ATP9A: variants seen among roughly 807,000 people sequenced by gnomAD.
The protein encoded by ATP9A is probable phospholipid-transporting ATPase IIA.
In ATP9A, 52 loss-of-function variants were observed where a neutral mutation model predicts 144.1. The observed-to-expected ratio is 0.36, with a 90% confidence interval of 0.29 to 0.45. The LOEUF (loss-of-function observed/expected upper bound fraction) is 0.45. ATP9A is among the 20% of genes least tolerant of loss of function. The pLI is 1.00. For synonymous variants in ATP9A, 582 were observed against 557.4 expected, an observed-to-expected ratio of 1.04 and a Z score of -0.62; for missense variants, 947 against 1,392.7, an observed-to-expected ratio of 0.68 and a Z score of 5.09.
At chr20:51,751,354 G>C (rs1319117152) in intron 1 of ATP9A, among the ~76,000 whole-genome samples, 2 of 149,754 alleles carry the variant, frequency 1.3e-5, no homozygotes, top group Non-Finnish European at 3.0e-5. Flanking sequence ...CAAACCCCTG[G>C]ACTCAAGGGA....
At chr20:51,664,193 A>T (rs1266345459) in intron 13 of ATP9A, among the ~76,000 whole-genome samples, 7 of 152,092 alleles carry the variant, frequency 4.6e-5, no homozygotes, top group African/African-American at 1.4e-4. Flanking sequence ...AAAGTTTTCC[A>T]AGTACCTTCC....
intron 18 of ATP9A, 83 bp downstream of exon 18, chr20:51,625,109 T>A: frequency 7.1e-7 from 1 of 1,403,026 alleles, no homozygotes; most frequent in Non-Finnish European, 9.7e-7. Context: ...CCTCCCACCC[T>A]TTCCCCCTGT....
intron 4 of ATP9A, among the ~76,000 whole-genome samples, chr20:51,699,825 T>C (rs1409542817): frequency 6.6e-6 from 1 of 151,964 alleles, no homozygotes; most frequent in East Asian, 1.9e-4. Context: ...GTAGTTTTAG[T>C]AGAGACGGGG....
chr20:51,739,935 A>G (rs2077778042), intron 1 of ATP9A, among the ~76,000 whole-genome samples: 1 of 152,216 alleles, frequency 6.6e-6, no homozygotes, highest in African/African-American at 2.4e-5. Flanking sequence ...AGCAGAGACA[A>G]GAAGTTCCCG....
chr20:51,651,461 T>C (rs2077366401), intron 14 of ATP9A, among the ~76,000 whole-genome samples: 1 of 147,988 alleles, frequency 6.8e-6, no homozygotes, highest in Non-Finnish European at 1.5e-5. Context: ...AAAATAAATA[T>C]ATATGTATAT....
intron 4 of ATP9A, among the ~76,000 whole-genome samples, chr20:51,711,999 A>G (rs1407359575): frequency 4.2e-5 from 6 of 143,316 alleles, no homozygotes; most frequent in African/African-American, 1.6e-4. Context: ...GGGATTACAG[A>G]TGAATGCAAC....
chr20:51,672,321 A>G (rs1219134120), intron 11 of ATP9A, among the ~76,000 whole-genome samples: 2 of 152,218 alleles, frequency 1.3e-5, no homozygotes, highest in Admixed American at 1.3e-4. Context: ...CAAAGTAAAT[A>G]GAAGTCTTCA....
At chr20:51,733,908 A>C (rs2077752690) in intron 1 of ATP9A, among the ~76,000 whole-genome samples, 1 of 151,902 alleles carries the variant, frequency 6.6e-6, no homozygotes, top group African/African-American at 2.4e-5. Flanking sequence ...ACCTGGCCTC[A>C]AGCCATCCTC....
intron 1 of ATP9A, among the ~76,000 whole-genome samples, chr20:51,752,855 C>A (rs2077838383): frequency 6.6e-6 from 1 of 152,196 alleles, no homozygotes; most frequent in African/African-American, 2.4e-5. Flanking sequence ...ATAATCCCAG[C>A]AGTTTGGGAG....
At chr20:51,754,674 G>A (rs898350226) in intron 1 of ATP9A, among the ~76,000 whole-genome samples, 4 of 151,294 alleles carry the variant, frequency 2.6e-5, no homozygotes, top group African/African-American at 7.3e-5. Flanking sequence ...AAAATCACTG[G>A]GCATGGTGGT....
chr20:51,691,821 T>C (rs946944422), intron 7 of ATP9A, among the ~76,000 whole-genome samples: 1 of 152,184 alleles, frequency 6.6e-6, no homozygotes, highest in Non-Finnish European at 1.5e-5. Context: ...TTATTCACAA[T>C]AGCCAGGAAG....
chr20:51,733,510 A>C (rs6063703), intron 1 of ATP9A, among the ~76,000 whole-genome samples: 35,558 of 151,812 alleles, frequency 0.23, 4,481 homozygotes, highest in Non-Finnish European at 0.26. Flanking sequence ...AGTAGCTGGG[A>C]TTACAGGCGT....
At position 51,768,381 on chromosome 20, in the gene ATP9A, C is replaced by A. The variant is rs756832017; in HGVS notation, c.-12G>T. 5.1e-6 allele frequency: 6 copies of A among 1,172,648 alleles called. No individual in the cohort carries two copies. The African/African-American group carries it at 9.7e-5, about 19-fold the overall frequency. The allele number at this position is 1,172,648 out of a possible 1,614,324, so 72.6% of individuals were successfully genotyped here. A position where few individuals can be genotyped will look rare whatever the true frequency, so the allele number is the denominator to read the frequency against. ...ATGTTGTCCGTCATGTCGGCGGCGC[C>A]GCCCGCCTTGGCCGCCGCGCCCCCC... On this transcript the variant is annotated 5_prime_UTR_variant, in exon 1 of 28. Coordinates refer to ENST00000338821, the MANE Select transcript of ATP9A (RefSeq NM_006045.3).
At chr20:51,765,642 CAA>C (rs1164927794) in intron 1 of ATP9A, among the ~76,000 whole-genome samples, 27 of 110,542 alleles carry the variant, frequency 2.4e-4, no homozygotes, top group East Asian at 2.4e-4. Context: ...AGCTACATCT[CAA>C]AAAAAAAAAA....
intron 3 of ATP9A, among the ~76,000 whole-genome samples, chr20:51,722,048 C>T (rs990449830): frequency 6.6e-5 from 10 of 151,972 alleles, no homozygotes; most frequent in Non-Finnish European, 1.2e-4. Flanking sequence ...TACTTACAGC[C>T]GACTGCTCTT....
intron 7 of ATP9A, among the ~76,000 whole-genome samples, chr20:51,692,663 G>A (rs959400905): frequency 5.9e-5 from 9 of 152,124 alleles, no homozygotes; most frequent in African/African-American, 1.7e-4. Flanking sequence ...TTAGCCGGGC[G>A]TGGTGGCGGG....
chr20:51,608,095 A>T (rs949577293), intron 25 of ATP9A, among the ~76,000 whole-genome samples: 1 of 152,108 alleles, frequency 6.6e-6, no homozygotes, highest in Non-Finnish European at 1.5e-5. Context: ...CATGGGAATA[A>T]ACCTTCCCTT....
At chr20:51,636,735 C>A (rs142134315) in intron 15 of ATP9A, among the ~76,000 whole-genome samples, 1 of 149,526 alleles carries the variant, frequency 6.7e-6, no homozygotes, top group Non-Finnish European at 1.5e-5. Context: ...AAACATCAGT[C>A]CTAATGGTAC....
At chr20:51,737,879 T>C (rs1466687780) in intron 1 of ATP9A, among the ~76,000 whole-genome samples, 1 of 152,046 alleles carries the variant, frequency 6.6e-6, no homozygotes, top group African/African-American at 2.4e-5. Context: ...CCAGGTGTGG[T>C]GGCGCAGATC....
Sources: allele counts gnomAD v4.1 joint callset (sites outside exome capture counted in the v4.1 genomes callset), GRCh38; gene constraint gnomAD v4.1.1; transcripts MANE v1.5; gene names NCBI Gene and HGNC (gene_info 2026-07-23, HGNC 2026-07-21).